Variants in SCN10A observed in about 807,000 individuals in gnomAD.
SCN10A encodes the protein sodium voltage-gated channel alpha subunit 10.
Under a neutral mutation model 170.7 loss-of-function variants are expected in SCN10A, and 162 were observed. The ratio of observed to expected loss-of-function variants is 0.95; its 90% confidence interval spans 0.84 to 1.08. The LOEUF (loss-of-function observed/expected upper bound fraction) is 1.08, where lower values mean the gene tolerates loss of function less well. SCN10A is among the 50% of genes least tolerant of loss of function. SCN10A has a pLI of 0.00. For missense variants in SCN10A, 2,527 were observed against 2,436.9 expected (o/e 1.04, Z -0.78); for synonymous variants, 985 against 904.6 (o/e 1.09, Z -1.59).
In SCN10A at chr3:38,728,854, G is replaced by A. The variant is rs753719223; in HGVS notation, c.2328C>T (p.Leu776=). Residue 776 remains leucine (L), a synonymous_variant, in exon 16 of 28, where the codon CTC becomes CTT. Transcript: ENST00000449082. The stretch of plus-strand genomic sequence containing the variant: ...CCACTGAGTTTCCGATGATCTTGAT[G>A]AGTGTGTTTAAGGTGGGCCAGGATT... ...LAKSWPTLNT[L]IKIIGNSVGA... 6 of 1,614,176 alleles carry A rather than the reference G, an allele frequency of 3.7e-6. No homozygotes were observed. Among genetic ancestry groups the A allele is most frequent in the Non-Finnish European group, 5.1e-6 (6 of 1,180,018 alleles).
At chr3:38,739,012 A>G (rs1355078314) in intron 15 of SCN10A, among the ~76,000 whole-genome samples, 1 of 152,122 alleles carries the variant, frequency 6.6e-6, no homozygotes, top group Non-Finnish European at 1.5e-5. Context: ...GACAACCTGG[A>G]TTTGAGATCC....
chr3:38,701,838 C>T lies in SCN10A; in HGVS notation c.4657+1G>A. ...TCCCCACCACGTGGCTGCCCACTTA[C>T]TCGCAATGGAGAGAACCACCACAAT... On this transcript the variant is annotated splice_donor_variant, in intron 27 of 27. Coordinates refer to ENST00000449082, the MANE Select transcript of SCN10A (RefSeq NM_006514.4). LOFTEE classifies it high-confidence loss of function. The T allele has an allele frequency of 6.3e-7, 1 of 1,595,138 alleles. No homozygotes were observed.
At chr3:38,812,961 A>G (rs2064450183) in intron 1 of SCN10A, among the ~76,000 whole-genome samples, 1 of 152,034 alleles carries the variant, frequency 6.6e-6, no homozygotes, top group Non-Finnish European at 1.5e-5. Context: ...TGAGCCCTGG[A>G]GGTCAAGGCT....
chr3:38,745,550 TA>T (rs1489144557), intron 13 of SCN10A, among the ~76,000 whole-genome samples: 13 of 152,292 alleles, frequency 8.5e-5, no homozygotes, highest in Admixed American at 3.9e-4. Flanking sequence ...GCCATCTTAC[TA>T]TCTCCTTTTC....
intron 1 of SCN10A, among the ~76,000 whole-genome samples, chr3:38,808,037 C>T (rs1272736309): frequency 6.6e-6 from 1 of 152,124 alleles, no homozygotes; most frequent in Non-Finnish European, 1.5e-5. Flanking sequence ...GCTTCTCAAC[C>T]TCTTTGGGTT....
chr3:38,814,253 C>T lies in SCN10A; in HGVS notation c.-33+1784G>A, dbSNP rs555338876. Among the ~76,000 whole-genome samples the T allele has an allele frequency of 2.0e-5, 3 of 152,242 alleles. No individual in the cohort carries two copies. In the South Asian group the frequency reaches 6.2e-4, roughly 32 times the overall value. On this transcript the variant is annotated intron_variant, in intron 1 of 27. Coordinates refer to ENST00000449082, the MANE Select transcript of SCN10A (RefSeq NM_006514.4). ...GATGCAAACTGAATGAGAAAGAATA[C>T]AGCAATTTAAGAGGGGGCAGGGACA...
Position 38,756,807 on chromosome 3 carries a change from A to T in SCN10A, c.1157T>A (p.Phe386Tyr). The change falls in exon 10 of 28, where the codon TTC (phenylalanine) becomes TAC (tyrosine). Residue 386 changes from phenylalanine (F) to tyrosine (Y), a missense_variant. Coordinates refer to ENST00000449082, the MANE Select transcript of SCN10A (RefSeq NM_006514.4). Reference sequence around the variant, plus strand: ...AGCCAAGATCAAGTTGACCAGGTAGAAAGATCCCAGGAAGATTACGAGCAC... The same window carrying T: ...AGCCAAGATCAAGTTGACCAGGTAGTAAGATCCCAGGAAGATTACGAGCAC... ...FFVLVIFLGS[F>Y]YLVNLILAVV... The T allele has an allele frequency of 6.2e-7, 1 of 1,614,206 alleles. No individual in the cohort carries two copies. Among genetic ancestry groups the T allele is most frequent in the Non-Finnish European group, 8.5e-7 (1 of 1,180,030 alleles).
At chr3:38,794,090 GC>G in intron 1 of SCN10A, 48 bp from the exon 2 acceptor site, 2 of 1,288,294 alleles carry the variant, frequency 1.6e-6, no homozygotes, top group Non-Finnish European at 2.2e-6. Context: ...TTGCCCACTG[GC>G]CCTGTCCCTC....
intron 19 of SCN10A, among the ~76,000 whole-genome samples, 178 bp downstream of exon 19, chr3:38,723,252 G>C (rs971976161): frequency 6.6e-6 from 1 of 152,170 alleles, no homozygotes; most frequent in Non-Finnish European, 1.5e-5. Flanking sequence ...CAGATACCAC[G>C]GCCAGGCTGC....
chr3:38,742,377 A>C lies in SCN10A; in HGVS notation c.2020T>G (p.Cys674Gly), dbSNP rs774892364. ...ATGAAGATGGTGTTCACCACGATGC[A>C]CAAGGTGATGGTGAGCTCTGCAAAG... ...DPFAELTITL[C>G]IVVNTIFMAM... Residue 674 changes from cysteine (C) to glycine (G), a missense_variant, in exon 14 of 28, where the codon TGC becomes GGC. By Grantham distance (159) the Cys-to-Gly change is radical. Transcript: ENST00000449082. 4 of 1,614,080 alleles carry C rather than the reference A, an allele frequency of 2.5e-6. No individual in the cohort carries two copies. The East Asian group carries it at 8.9e-5, about 36-fold the overall frequency.
At chr3:38,789,478 A>C (rs551929310) in intron 3 of SCN10A, among the ~76,000 whole-genome samples, 1 of 152,314 alleles carries the variant, frequency 6.6e-6, no homozygotes, top group South Asian at 2.1e-4. Flanking sequence ...TTCATCTGGC[A>C]AATGTCTTTT....
At chr3:38,734,550 A>G (rs1323867466) in intron 15 of SCN10A, among the ~76,000 whole-genome samples, 2 of 152,254 alleles carry the variant, frequency 1.3e-5, no homozygotes, top group African/African-American at 4.8e-5. Flanking sequence ...TAGAAAATCA[A>G]TTAATATAAT....
rs559560231 is a variant in SCN10A, at chr3:38,702,597, C to T, written c.4387-488G>A. 5.3e-5 allele frequency among the ~76,000 whole-genome samples: 8 copies of T among 152,354 alleles called. No homozygotes were observed. The South Asian group carries it at 1.7e-3, about 32-fold the overall frequency. ...AGGACAAGGGCTATACCTTCCTTAA[C>T]TTTGTTTCCCTGCAGTGCCCTGCAC... On this transcript the variant is annotated intron_variant, in intron 26 of 27. Coordinates refer to ENST00000449082, the MANE Select transcript of SCN10A (RefSeq NM_006514.4).
intron 1 of SCN10A, among the ~76,000 whole-genome samples, chr3:38,805,363 G>A (rs1272519457): frequency 6.6e-6 from 1 of 152,118 alleles, no homozygotes; most frequent in Non-Finnish European, 1.5e-5. Context: ...TCTAATACAT[G>A]GAACAAATAA....
chr3:38,789,568 A>G (rs1453609350), intron 3 of SCN10A, among the ~76,000 whole-genome samples: 1 of 152,146 alleles, frequency 6.6e-6, no homozygotes. Context: ...TAGTTTCATC[A>G]GATTGTTTGG....
intron 10 of SCN10A, 103 bp downstream of exon 10, chr3:38,756,571 A>T (rs1035032689): frequency 8.9e-6 from 8 of 897,694 alleles, no homozygotes; most frequent in Non-Finnish European, 1.3e-5. Flanking sequence ...GATTCCTCCT[A>T]TAGCTCCCTA....
chr3:38,802,428 T>C (rs902146861), intron 1 of SCN10A, among the ~76,000 whole-genome samples: 6 of 152,192 alleles, frequency 3.9e-5, no homozygotes, highest in African/African-American at 1.4e-4. Flanking sequence ...AAAGTGAAAT[T>C]ATAATATTTA....
chr3:38,760,605 T>C, intron 8 of SCN10A, 76 bp downstream of exon 8: 2 of 1,140,864 alleles, frequency 1.8e-6, no homozygotes, highest in Non-Finnish European at 2.7e-6. Flanking sequence ...ACCCCATCTG[T>C]GCCCATAATA....
intron 13 of SCN10A, among the ~76,000 whole-genome samples, chr3:38,745,404 C>T (rs1264441161): frequency 6.6e-6 from 1 of 152,136 alleles, no homozygotes; most frequent in East Asian, 1.9e-4. Context: ...CCTTTCTTCC[C>T]TTAATCTTCA....
Sources: allele counts gnomAD v4.1 joint callset (sites outside exome capture counted in the v4.1 genomes callset), GRCh38; gene constraint gnomAD v4.1.1; transcripts MANE v1.5; gene names NCBI Gene and HGNC (gene_info 2026-07-23, HGNC 2026-07-21).